COL27A1: variants seen among roughly 807,000 people sequenced by gnomAD.
The protein encoded by COL27A1 is collagen alpha-1(XXVII) chain.
A neutral mutation model predicts 251.3 loss-of-function variants in COL27A1; 106 were observed. That is an observed-to-expected ratio of 0.42 (90% CI 0.36 to 0.50). The LOEUF (loss-of-function observed/expected upper bound fraction) is 0.50, where lower values mean the gene tolerates loss of function less well. Among genes scored for constraint, COL27A1 ranks in the 20% least tolerant of loss-of-function variants. The pLI is 0.00. For synonymous variants in COL27A1, 1,000 were observed against 986.3 expected, an observed-to-expected ratio of 1.01 and a Z score of -0.26; for missense variants, 2,325 against 2,522.8, an observed-to-expected ratio of 0.92 and a Z score of 1.68.
chr9:114,262,938 A>ATTTTTTTTTT (rs386415960), intron 28 of COL27A1, among the ~76,000 whole-genome samples: 4 of 127,058 alleles, frequency 3.1e-5, no homozygotes, highest in Non-Finnish European at 3.2e-5. Flanking sequence ...TCCTTGTTTG[A>ATTTTTTTTTT]TTTTTTTTTT....
rs1159568762 is a variant in COL27A1 at position 114,288,708 on chromosome 9, G to A, written c.4051G>A (p.Val1351Met). The A allele has an allele frequency of 1.2e-6, 2 of 1,610,406 alleles. No individual in the cohort carries two copies. Among genetic ancestry groups the A allele is most frequent in the Non-Finnish European group, 1.7e-6 (2 of 1,177,250 alleles). ...PPGPPGDRGPVGDRGDRGEPG... is the reference protein window; with the variant it reads ...PPGPPGDRGPMGDRGDRGEPG... ...TGTTGTCTTTGTCATTCAGGGCCCT[G>A]TGGGTGATCGAGGAGACCGCGGGGA... Residue 1351 changes from valine to methionine, a missense_variant, in exon 43 of 61, where the codon GTG (valine) becomes ATG (methionine). Transcript: ENST00000356083.
intron 24 of COL27A1, among the ~76,000 whole-genome samples, chr9:114,247,051 G>C (rs904985598): frequency 2.0e-5 from 3 of 152,116 alleles, no homozygotes; most frequent in Non-Finnish European, 4.4e-5. Context: ...GGCTGGAAAG[G>C]CCCAGGGATC....
chr9:114,215,093 A>C (rs1290859185), intron 12 of COL27A1, among the ~76,000 whole-genome samples: 2 of 152,266 alleles, frequency 1.3e-5, no homozygotes, highest in South Asian at 4.1e-4. Flanking sequence ...GGCCTCATGC[A>C]GTGAGTCCGG....
chr9:114,305,652 C>G (rs1212847835), intron 57 of COL27A1, among the ~76,000 whole-genome samples: 1 of 152,062 alleles, frequency 6.6e-6, no homozygotes, highest in African/African-American at 2.4e-5. Context: ...CAAGGTCACT[C>G]CACACCAGGG....
At chr9:114,163,044 G>T (rs1052637102) in intron 2 of COL27A1, among the ~76,000 whole-genome samples, 1 of 152,056 alleles carries the variant, frequency 6.6e-6, no homozygotes. Context: ...GACCATCCTG[G>T]CCAACATGGT....
chr9:114,210,830 G>A, intron 11 of COL27A1, 152 bp from the exon 12 acceptor site: 1 of 695,410 alleles, frequency 1.4e-6, no homozygotes, highest in South Asian at 1.7e-5. Context: ...CCATCCGTCT[G>A]ATGTGCATGT....
chr9:114,189,077 G>T (rs1305037046), intron 5 of COL27A1, among the ~76,000 whole-genome samples: 1 of 152,112 alleles, frequency 6.6e-6, no homozygotes, highest in Non-Finnish European at 1.5e-5. Flanking sequence ...TCTCAGGAGG[G>T]CTCTATTCAT....
At chr9:114,205,078 T>G in intron 7 of COL27A1, 24 bp from the exon 8 acceptor site, 1 of 1,613,296 alleles carries the variant, frequency 6.2e-7, no homozygotes, top group Non-Finnish European at 8.5e-7. Context: ...CCCTGCCTGA[T>G]GCAGCTTCTT....
At chr9:114,166,444 T>TCC (rs1848892229) in intron 2 of COL27A1, among the ~76,000 whole-genome samples, 5 of 140,858 alleles carry the variant, frequency 3.5e-5, no homozygotes, top group Admixed American at 6.9e-5. Flanking sequence ...TCCATTCATC[T>TCC]ATCCATCCAT....
At chr9:114,293,632 CA>C (rs1174422532) in intron 49 of COL27A1, among the ~76,000 whole-genome samples, 1 of 148,624 alleles carries the variant, frequency 6.7e-6, no homozygotes, top group African/African-American at 2.5e-5. Context: ...AATCAGGAAA[CA>C]ACAAAAACAA....
intron 60 of COL27A1, 97 bp from the exon 61 acceptor site, chr9:114,310,452 C>T: frequency 1.5e-6 from 2 of 1,308,124 alleles, no homozygotes; most frequent in Non-Finnish European, 2.2e-6. Flanking sequence ...ACAGTATAGC[C>T]ATTAAAAATT....
At chr9:114,193,435 A>G (rs774922496) in intron 5 of COL27A1, among the ~76,000 whole-genome samples, 25 of 151,698 alleles carry the variant, frequency 1.6e-4, no homozygotes, top group Admixed American at 7.2e-4. Context: ...CTGATGGGGG[A>G]CTCACTGCTT....
chr9:114,270,669 G>C, intron 35 of COL27A1, 59 bp from the exon 36 acceptor site: 2 of 1,369,030 alleles, frequency 1.5e-6, no homozygotes, highest in East Asian at 4.6e-5. Context: ...GAGAGGAAAA[G>C]CACACCGGGG....
At chr9:114,258,711 C>A in intron 28 of COL27A1, 117 bp downstream of exon 28, 1 of 1,056,828 alleles carries the variant, frequency 9.5e-7, no homozygotes, top group Non-Finnish European at 1.4e-6. Flanking sequence ...GGATCTGTGA[C>A]TTTCATAGCA....
In COL27A1 at chr9:114,209,717, G is replaced by A; in HGVS notation, c.2311G>A (p.Asp771Asn). ...LPGLFGLPGSDGERGLPGVPG... is the reference protein window; with the variant it reads ...LPGLFGLPGSNGERGLPGVPG... ...AGGGCTCTTCGGCCTGCCAGGGTCT[G>A]ATGGAGAACGAGTAAGTTTGCTTCT... is the stretch of plus-strand genomic sequence containing the variant. Residue 771 changes from aspartate to asparagine, a missense_variant, in exon 11 of 61, where the codon GAT (aspartate) becomes AAT (asparagine). Physicochemically the swap from Asp to Asn is conservative, Grantham distance 23 (BLOSUM62 1). Transcript: ENST00000356083. 6.2e-7 allele frequency: 1 copy of A among 1,614,172 alleles called. No individual in the cohort carries two copies. Among genetic ancestry groups the A allele is most frequent in the South Asian group, 1.1e-5 (1 of 91,086 alleles).
upstream of COL27A1, among the ~76,000 whole-genome samples, chr9:114,154,122 T>C (rs1847983233): frequency 6.6e-6 from 1 of 151,896 alleles, no homozygotes. The surrounding 1 kb of genome is among the most constrained non-coding windows in gnomAD (Gnocchi z 5.8). Flanking sequence ...CCCCCAGCTC[T>C]CGGAGCCCGC....
chr9:114,251,493 AAATTTT>A (rs762746035), intron 25 of COL27A1, among the ~76,000 whole-genome samples: 4 of 152,036 alleles, frequency 2.6e-5, no homozygotes, highest in Non-Finnish European at 5.9e-5. Flanking sequence ...TTTTATCTTG[AAATTTT>A]AAATTTAACT....
At chr9:114,160,815 C>T (rs1250858970) in intron 1 of COL27A1, among the ~76,000 whole-genome samples, 2 of 152,122 alleles carry the variant, frequency 1.3e-5, no homozygotes, top group African/African-American at 2.4e-5. Context: ...CAGTGAGCTG[C>T]GGGAGGTGAC....
intron 12 of COL27A1, 111 bp downstream of exon 12, chr9:114,211,137 T>A: frequency 8.8e-7 from 1 of 1,134,886 alleles, no homozygotes; most frequent in Non-Finnish European, 1.3e-6. Flanking sequence ...CCCCCTGCTT[T>A]GAGTGTGGGG....
Sources: gnomAD v4.1 joint callset for allele counts (sites outside exome capture counted in the v4.1 genomes callset) on GRCh38, gnomAD v4.1.1 for gene constraint, Gnocchi (gnomAD v3.1) non-coding constraint, MANE v1.5 for transcripts, NCBI Gene and HGNC (gene_info 2026-07-23, HGNC 2026-07-21) for gene names.